The following SYNE1 variants were observed in gnomAD, a reference collection of about 807,000 sequenced individuals.
SYNE1 encodes the protein nesprin-1.
In SYNE1, 616 loss-of-function variants were observed where a neutral mutation model predicts 1,111.0. The ratio of observed to expected loss-of-function variants is 0.55; its 90% CI spans 0.52 to 0.59. The LOEUF (loss-of-function observed/expected upper bound fraction) is 0.59. Ranked by LOEUF, SYNE1 falls within the 20% of genes least tolerant of loss-of-function variation. SYNE1 has a pLI of 0.00. For synonymous variants in SYNE1, 3,855 were observed against 3,825.8 expected (o/e 1.01, Z -0.28); for missense variants, 10,006 against 10,417.0 (o/e 0.96, Z 1.72).
At chr6:152,293,470 A>ATC (rs1213151941) in intron 95 of SYNE1, 118 bp downstream of exon 95, 21 of 1,049,100 alleles carry the variant, frequency 2.0e-5, no homozygotes, top group Non-Finnish European at 2.8e-5. Flanking sequence ...AGAACTGATA[A>ATC]GGTTAAAAAA....
chr6:152,234,619 AGGCCTAACTTATAG>A, intron 111 of SYNE1, 35 bp downstream of exon 111: 1 of 1,612,574 alleles, frequency 6.2e-7, no homozygotes, highest in South Asian at 1.1e-5. Flanking sequence ...TGTATGGGTC[AGGCCTAACTTATAG>A]GCCTGAATCA....
intron 133 of SYNE1, 139 bp from the exon 134 acceptor site, chr6:152,152,280 T>C: frequency 1.3e-6 from 1 of 781,872 alleles, no homozygotes; most frequent in Non-Finnish European, 2.2e-6. Flanking sequence ...CTAATAACGG[T>C]ACACTTCCCC....
chr6:152,337,419 A>T (rs1416949930), intron 75 of SYNE1, among the ~76,000 whole-genome samples: 1 of 152,060 alleles, frequency 6.6e-6, no homozygotes, highest in Non-Finnish European at 1.5e-5. Flanking sequence ...CCTCCTGAGT[A>T]GCTGGGATTA....
chr6:152,362,129 G>A, intron 64 of SYNE1, 41 bp downstream of exon 64: 2 of 1,614,024 alleles, frequency 1.2e-6, no homozygotes, highest in Non-Finnish European at 1.7e-6. Flanking sequence ...TTCTAAAGAA[G>A]CCTGTGAGAA....
intron 104 of SYNE1, 95 bp from the exon 105 acceptor site, chr6:152,249,357 C>A: frequency 1.3e-6 from 1 of 796,578 alleles, no homozygotes. Flanking sequence ...AACATAGAGG[C>A]ACAGAAATTT....
In SYNE1 at chr6:152,407,125, T is replaced by C; in HGVS notation, c.6612A>G (p.Ser2204=). 6.2e-7 allele frequency: 1 copy of C among 1,614,042 alleles called. No individual in the cohort carries two copies. Among genetic ancestry groups the C allele is most frequent in the Non-Finnish European group, 8.5e-7 (1 of 1,179,998 alleles). The stretch of plus-strand genomic sequence containing the variant: ...ACCATCCCTCAATCTCATCTCTAGT[T>C]GACAGTACATCATCCCAAATGGACA... ...VSLSIWDDVL[S]TRDEIEGWSN... is the part of the protein sequence containing the mutation. Residue 2204 remains serine, a synonymous_variant, in exon 45 of 146, where the codon TCA becomes TCG. Coordinates refer to ENST00000367255, the MANE Select transcript of SYNE1 (RefSeq NM_182961.4).
At chr6:152,518,406 G>T (rs1195689972) in intron 6 of SYNE1, among the ~76,000 whole-genome samples, 2 of 151,868 alleles carry the variant, frequency 1.3e-5, no homozygotes, top group Non-Finnish European at 2.9e-5. Flanking sequence ...GTTCTCGTAA[G>T]ACGTGGTTGT....
intron 63 of SYNE1, among the ~76,000 whole-genome samples, 189 bp downstream of exon 63, chr6:152,364,658 G>T (rs1234361866): frequency 6.8e-6 from 1 of 146,862 alleles, no homozygotes; most frequent in Non-Finnish European, 1.5e-5. Flanking sequence ...AGGAAAGGGA[G>T]TGAGGGAGGG....
rs1228623069 is a variant in SYNE1, at chr6:152,336,648, C to A, written c.12528+193G>T. On this transcript the variant is annotated intron_variant, in intron 76 of 145. Transcript: ENST00000367255. Reference sequence around the variant, plus strand: ...TGCTTGCTCGCCTCCCACTGTGCGGCCAGGTTCCTAACAGGACATGGACTT... The same window carrying A: ...TGCTTGCTCGCCTCCCACTGTGCGGACAGGTTCCTAACAGGACATGGACTT... The A allele has an allele frequency of 3.1e-5, 22 of 716,414 alleles. 1 individual carries two copies. Among genetic ancestry groups the A allele is most frequent in the Non-Finnish European group, 7.3e-6 (3 of 413,010 alleles). 44.4% of individuals were successfully genotyped at this position (716,414 alleles called of 1,614,324 possible). A position where few individuals can be genotyped will look rare whatever the true frequency, so the allele number is the denominator to read the frequency against.
chr6:152,194,311 C>G (rs921076594), intron 127 of SYNE1, among the ~76,000 whole-genome samples: 1 of 152,112 alleles, frequency 6.6e-6, no homozygotes, highest in African/African-American at 2.4e-5. Context: ...TCTTCAGCAC[C>G]TTAAAAATGT....
chr6:152,478,570 G>C (rs903253077), intron 14 of SYNE1: 1 of 152,340 alleles, frequency 6.6e-6, no homozygotes, highest in Admixed American at 6.5e-5. Context: ...ATGCAATTGC[G>C]TAGGTGGGTT....
At position 152,133,375 on chromosome 6, in the gene SYNE1, T is replaced by A. The variant is rs2056318810; in HGVS notation, c.25902A>T (p.Lys8634Asn). 6.2e-7 allele frequency: 1 copy of A among 1,614,218 alleles called. No individual in the cohort carries two copies. Among genetic ancestry groups the A allele is most frequent in the Non-Finnish European group, 8.5e-7 (1 of 1,180,028 alleles). Residue 8634 changes from lysine (K) to asparagine (N), a missense_variant, in exon 143 of 146, where the codon AAA becomes AAT. By Grantham distance (94) the Lys-to-Asn change is moderately conservative. Coordinates refer to ENST00000367255, the MANE Select transcript of SYNE1 (RefSeq NM_182961.4). ...TGAGCCGATTTCCAATAACATGGACTTTTTCTTTGGCTTCTAAACAGTCTG... is the reference window on the plus strand; with the variant it reads ...TGAGCCGATTTCCAATAACATGGACATTTTCTTTGGCTTCTAAACAGTCTG... ...EGTDCLEAKE[K>N]VHVIGNRLKL...
chr6:152,395,641 T>A lies in SYNE1; in HGVS notation c.7587A>T (p.Leu2529Phe). 1 of 1,614,206 alleles carries A rather than the reference T, an allele frequency of 6.2e-7. No homozygotes were observed. The highest frequency in any genetic ancestry group is 8.5e-7 in the Non-Finnish European group (1 of 1,180,030). Residue 2529 changes from leucine (L) to phenylalanine (F), a missense_variant, in exon 51 of 146, where the codon TTA (leucine) becomes TTT (phenylalanine). Transcript: ENST00000367255. ...ACCTTTCTTCCATTTCATGGATCCA[T>A]AAGTTCAGTTTTCTGTGCTGATCTT... The part of the protein sequence containing the change: ...SFEDQHRKLN[L>F]WIHEMEERFN...
At chr6:152,239,988 G>T (rs2085188311) in intron 107 of SYNE1, among the ~76,000 whole-genome samples, 1 of 152,206 alleles carries the variant, frequency 6.6e-6, no homozygotes, top group Non-Finnish European at 1.5e-5. Context: ...AACCTGGGAG[G>T]CCGAGGTTGC....
intron 27 of SYNE1, among the ~76,000 whole-genome samples, chr6:152,449,985 C>G (rs1222406661): frequency 6.6e-6 from 1 of 152,128 alleles, no homozygotes; most frequent in Non-Finnish European, 1.5e-5. Context: ...AAGAAGCCAC[C>G]CTTTAGGGAT....
chr6:152,241,217 G>T (rs1467093817), intron 107 of SYNE1, among the ~76,000 whole-genome samples: 1 of 152,156 alleles, frequency 6.6e-6, no homozygotes, highest in Non-Finnish European at 1.5e-5. Context: ...AACACCAGCT[G>T]TGGACTTTAA....
At chr6:152,146,854 T>C (rs2059595421) in intron 137 of SYNE1, 1 of 152,332 alleles carries the variant, frequency 6.6e-6, no homozygotes. Flanking sequence ...ACTCTTCCTG[T>C]GGGAGCTCCT....
At chr6:152,152,513 G>C (rs978137118) in intron 133 of SYNE1, among the ~76,000 whole-genome samples, 1 of 152,034 alleles carries the variant, frequency 6.6e-6, no homozygotes, top group Non-Finnish European at 1.5e-5. Context: ...AAATATACAC[G>C]TGTGTGTGGA....
intron 3 of SYNE1, among the ~76,000 whole-genome samples, chr6:152,622,918 G>A (rs1045055662): frequency 2.0e-5 from 3 of 151,990 alleles, no homozygotes; most frequent in Non-Finnish European, 2.9e-5. Flanking sequence ...CCACAAGCTC[G>A]CCAATATCAG....
Sources: allele counts gnomAD v4.1 joint callset (sites outside exome capture counted in the v4.1 genomes callset), GRCh38; gene constraint gnomAD v4.1.1; transcripts MANE v1.5; gene names NCBI Gene and HGNC (gene_info 2026-07-23, HGNC 2026-07-21).